GFOD1: variants seen among roughly 807,000 people sequenced by gnomAD.
The protein encoded by GFOD1 is glucose-fructose oxidoreductase domain-containing protein 1.
Under a neutral mutation model 25.4 loss-of-function variants are expected in GFOD1, and 9 were observed. The ratio of observed to expected loss-of-function variants is 0.35; its 90% CI spans 0.21 to 0.62. GFOD1 has a LOEUF of 0.62. Ranked by LOEUF, GFOD1 falls within the 20% of genes least tolerant of loss-of-function variation. The pLI, the probability that GFOD1 is intolerant of heterozygous loss-of-function variation, is 0.72. For missense variants in GFOD1, 403 were observed against 556.9 expected, an observed-to-expected ratio of 0.72 and a Z score of 2.78; for synonymous variants, 253 against 245.6, an observed-to-expected ratio of 1.03 and a Z score of -0.28.
At chr6:13,402,353 C>CA (rs1440522520) in intron 1 of GFOD1, among the ~76,000 whole-genome samples, 1 of 152,030 alleles carries the variant, frequency 6.6e-6, no homozygotes, top group African/African-American at 2.4e-5. Context: ...TTCATCGAAA[C>CA]AAAAAACTGT....
In GFOD1 at chr6:13,358,170, A is replaced by G. The variant is rs1369160698; in HGVS notation, c.*6573T>C. ...AAAAAAGAAAACCAAAACCTCCTAT[A>G]ATTTATAAGCTATGTTTGACTATCT... On this transcript the variant is annotated 3_prime_UTR_variant, in exon 2 of 2. Coordinates refer to ENST00000379287, the MANE Select transcript of GFOD1 (RefSeq NM_018988.4). 1 of 152,094 alleles carries G rather than the reference A, an allele frequency of 6.6e-6. No individual in the cohort carries two copies. The allele number at this position is 152,094 out of a possible 1,614,324, so 9.4% of individuals were successfully genotyped here. A position where few individuals can be genotyped will look rare whatever the true frequency, so the allele number is the denominator to read the frequency against.
chr6:13,409,131 AAGAAAGAAAGAAAGAAAG>A (rs1237115305), intron 1 of GFOD1, among the ~76,000 whole-genome samples: 1 of 47,610 alleles, frequency 2.1e-5, no homozygotes. Context: ...GAAAGAAAGA[AAGAAAGAAAGAAAGAAAG>A]AGAGGAAAGA....
At chr6:13,462,390 C>T (rs922908258) in intron 1 of GFOD1, among the ~76,000 whole-genome samples, 6 of 152,136 alleles carry the variant, frequency 3.9e-5, no homozygotes, top group African/African-American at 1.4e-4. Flanking sequence ...ATTTGTACCC[C>T]ACCCATCAGA....
Position 13,359,944 on chromosome 6 carries a change from T to TAAAAAA in GFOD1, c.*4798_*4799insTTTTTT, listed in dbSNP as rs1290079528. On this transcript the variant is annotated 3_prime_UTR_variant, in exon 2 of 2. Transcript: ENST00000379287. Reference sequence around the variant, plus strand: ...CTGGGTGACAGAGTAAGACTCTGTCTCAAAAAAAAAAAAAAAAGGATTTCC... The same window carrying TAAAAAA: ...CTGGGTGACAGAGTAAGACTCTGTCTAAAAAACAAAAAAAAAAAAAAAAGGATTTCC... 8.7e-6 allele frequency: 1 copy of TAAAAAA among 115,534 alleles called. No individual in the cohort carries two copies. Among genetic ancestry groups the TAAAAAA allele is most frequent in the African/African-American group, 6.1e-5 (1 of 16,360 alleles). The allele number at this position is 115,534 out of a possible 1,614,324, so 7.2% of individuals were successfully genotyped here.
chr6:13,372,886 C>T (rs952809555), intron 1 of GFOD1, among the ~76,000 whole-genome samples: 1 of 152,222 alleles, frequency 6.6e-6, no homozygotes, highest in Non-Finnish European at 1.5e-5. Context: ...AGCCCCTTAT[C>T]TTCTAGAAGC....
intron 1 of GFOD1, among the ~76,000 whole-genome samples, chr6:13,396,061 T>TA (rs1435599917): frequency 6.6e-6 from 1 of 152,254 alleles, no homozygotes; most frequent in Non-Finnish European, 1.5e-5. Context: ...GGAACGCATT[T>TA]ACATGTTTCA....
At chr6:13,371,899 CT>C (rs1244215283) in intron 1 of GFOD1, among the ~76,000 whole-genome samples, 2 of 152,236 alleles carry the variant, frequency 1.3e-5, no homozygotes, top group Non-Finnish European at 2.9e-5. Context: ...GTTGCCGCAT[CT>C]GTCAATGTGA....
chr6:13,476,584 T>C (rs1032653927), intron 1 of GFOD1, among the ~76,000 whole-genome samples: 2 of 152,190 alleles, frequency 1.3e-5, no homozygotes, highest in Non-Finnish European at 2.9e-5. Flanking sequence ...AATGTTATGG[T>C]ATATATAGTT....
At chr6:13,426,936 G>A (rs1381415256) in intron 1 of GFOD1, among the ~76,000 whole-genome samples, 1 of 152,184 alleles carries the variant, frequency 6.6e-6, no homozygotes, top group Non-Finnish European at 1.5e-5. Context: ...TCTTGGGGGA[G>A]GTTACTTAAC....
rs935853099 is a variant in GFOD1 at position 13,361,990 on chromosome 6, T to C, written c.*2753A>G. 1 of 152,170 alleles carries C rather than the reference T, an allele frequency of 6.6e-6. No individual in the cohort carries two copies. The highest frequency in any genetic ancestry group is 2.4e-5 in the African/African-American group (1 of 41,438). The allele number at this position is 152,170 out of a possible 1,614,324, so 9.4% of individuals were successfully genotyped here. On this transcript the variant is annotated 3_prime_UTR_variant, in exon 2 of 2. Transcript: ENST00000379287. ...ATGGTTTAGTACAGAAACATACAAT[T>C]GAAACCCCAGGAATATCCCTATTTA...
chr6:13,385,056 C>T (rs1448711063), intron 1 of GFOD1, among the ~76,000 whole-genome samples: 7 of 152,156 alleles, frequency 4.6e-5, no homozygotes, highest in African/African-American at 1.7e-4. Flanking sequence ...TTCCAGCCCC[C>T]TGGGGTATCT....
intron 1 of GFOD1, among the ~76,000 whole-genome samples, chr6:13,407,591 C>G (rs560190069): frequency 5.9e-5 from 9 of 152,224 alleles, no homozygotes; most frequent in African/African-American, 2.2e-4. Flanking sequence ...TTCAAAACAC[C>G]CTGTTACAAT....
In GFOD1 at chr6:13,486,907, C is replaced by T. The variant is rs1758885354; in HGVS notation, c.-17G>A. 2 of 1,603,840 alleles carry T rather than the reference C, an allele frequency of 1.2e-6. No homozygotes were observed. Among genetic ancestry groups the T allele is most frequent in the Non-Finnish European group, 1.7e-6 (2 of 1,178,856 alleles). On this transcript the variant is annotated 5_prime_UTR_variant, in exon 1 of 2. Coordinates refer to ENST00000379287, the MANE Select transcript of GFOD1 (RefSeq NM_018988.4). Reference sequence around the variant, plus strand: ...GGGAAGCATGGCTGCTCAGAGCCGCCTGGTTCTGCTTCTGCTCGGATCTCC... The same window carrying T: ...GGGAAGCATGGCTGCTCAGAGCCGCTTGGTTCTGCTTCTGCTCGGATCTCC...
At chr6:13,391,876 C>A (rs1180758942) in intron 1 of GFOD1, among the ~76,000 whole-genome samples, 1 of 152,200 alleles carries the variant, frequency 6.6e-6, no homozygotes, top group African/African-American at 2.4e-5. Context: ...TACCGATGGT[C>A]ATTTTGTTGT....
At position 13,359,987 on chromosome 6, in the gene GFOD1, C is replaced by T. The variant is rs1279421266; in HGVS notation, c.*4756G>A. ...GGATTTCCAGATTTCCCTGCAACTGCTCAGCGAATTGAGGTCCAATGCAGG... is the reference window on the plus strand; with the variant it reads ...GGATTTCCAGATTTCCCTGCAACTGTTCAGCGAATTGAGGTCCAATGCAGG... On this transcript the variant is annotated 3_prime_UTR_variant, in exon 2 of 2. Coordinates refer to ENST00000379287, the MANE Select transcript of GFOD1 (RefSeq NM_018988.4). The T allele has an allele frequency of 3.3e-5, 5 of 152,088 alleles. No individual in the cohort carries two copies. Among genetic ancestry groups the T allele is most frequent in the Non-Finnish European group, 7.3e-5 (5 of 68,196 alleles). The allele number at this position is 152,088 out of a possible 1,614,324, so 9.4% of individuals were successfully genotyped here. A position where few individuals can be genotyped will look rare whatever the true frequency, so the allele number is the denominator to read the frequency against.
rs1786154083 is a variant in GFOD1, at chr6:13,415,837, T to C, written c.254-50175A>G. Among the ~76,000 whole-genome samples, 4 of 152,372 alleles carry C rather than the reference T, an allele frequency of 2.6e-5. No individual in the cohort carries two copies. The South Asian group carries it at 8.3e-4, about 32-fold the overall frequency. On this transcript the variant is annotated intron_variant, in intron 1 of 1. Coordinates refer to ENST00000379287, the MANE Select transcript of GFOD1 (RefSeq NM_018988.4). The stretch of plus-strand genomic sequence containing the variant: ...ATGGTGACTGGTGTCTAGTTTTCTA[T>C]TCGTTCATTAAACGAACATTGACAT...
chr6:13,423,580 C>T (rs1398880406), intron 1 of GFOD1, among the ~76,000 whole-genome samples: 3 of 152,158 alleles, frequency 2.0e-5, no homozygotes, highest in Non-Finnish European at 4.4e-5. Flanking sequence ...TCGCAGGTTG[C>T]CCTGAGAATG....
intron 1 of GFOD1, among the ~76,000 whole-genome samples, chr6:13,421,813 T>C (rs1436392301): frequency 6.6e-6 from 1 of 152,208 alleles, no homozygotes; most frequent in African/African-American, 2.4e-5. Context: ...TCATCCTGCC[T>C]ACGGAGGATC....
rs137859005 is a variant in GFOD1, at chr6:13,370,670, A to G, written c.254-5008T>C. Among the ~76,000 whole-genome samples, 250 of 151,858 alleles carry G rather than the reference A, an allele frequency of 1.6e-3. 4 individuals carry two copies. Among genetic ancestry groups the G allele is most frequent in the African/African-American group, 5.5e-3 (227 of 41,378 alleles). On this transcript the variant is annotated intron_variant, in intron 1 of 1. Coordinates refer to ENST00000379287, the MANE Select transcript of GFOD1 (RefSeq NM_018988.4). ...GCTAAAGGAGCACAATTCTAAGTAT[A>G]GACTTCTAGTCAGACACTGTGTGTG...
Sources: allele counts gnomAD v4.1 joint callset (sites outside exome capture counted in the v4.1 genomes callset), GRCh38; gene constraint gnomAD v4.1.1; transcripts MANE v1.5; gene names NCBI Gene and HGNC (gene_info 2026-07-23, HGNC 2026-07-21).